DGCR2: variants seen among roughly 807,000 people sequenced by gnomAD.
The protein encoded by DGCR2 is integral membrane protein DGCR2/IDD.
A neutral mutation model predicts 51.6 loss-of-function variants in DGCR2; 24 were observed. The ratio of observed to expected loss-of-function variants is 0.47; its 90% CI spans 0.34 to 0.65. The LOEUF is 0.65. Ranked by LOEUF, DGCR2 falls within the 30% of genes least tolerant of loss-of-function variation. The pLI is 0.01. For synonymous variants in DGCR2, 340 were observed against 315.4 expected (o/e 1.08, Z -0.82); for missense variants, 765 against 772.1 (o/e 0.99, Z 0.11).
intron 1 of DGCR2, among the ~76,000 whole-genome samples, chr22:19,111,129 G>A (rs2800981): frequency 0.49 from 74,909 of 151,974 alleles, 19,622 homozygotes; most frequent in African/African-American, 0.68. Flanking sequence ...AAAAGAAGGT[G>A]ACACTCTAAT....
At chr22:19,076,406 C>G in intron 2 of DGCR2, among the ~76,000 whole-genome samples, 1 of 152,034 alleles carries the variant, frequency 6.6e-6, no homozygotes, top group Non-Finnish European at 1.5e-5. Context: ...CTCAAGTGAT[C>G]CGCCCGCCTC....
At position 19,074,586 on chromosome 22, in the gene DGCR2, C is replaced by T. The variant is rs531722738; in HGVS notation, c.203-6361G>A. On this transcript the variant is annotated intron_variant, in intron 2 of 9. Transcript: ENST00000263196. ...AATCAGCAGAGAATGCCTAAAACCACGGAATTTAAAGACACACAGATAAAT... is the reference window on the plus strand; with the variant it reads ...AATCAGCAGAGAATGCCTAAAACCATGGAATTTAAAGACACACAGATAAAT... Among the ~76,000 whole-genome samples, 10 of 152,028 alleles carry T rather than the reference C, an allele frequency of 6.6e-5. 1 individual carries two copies. Among genetic ancestry groups the T allele is most frequent in the African/African-American group, 2.4e-4 (10 of 41,468 alleles).
chr22:19,067,964 C>A, intron 3 of DGCR2, 136 bp downstream of exon 3: 1 of 1,260,952 alleles, frequency 7.9e-7, no homozygotes, highest in Non-Finnish European at 1.0e-6. Context: ...CATCATGCAG[C>A]CTCATTCATT....
chr22:19,066,430 AAAC>A (rs1294758966), intron 3 of DGCR2, among the ~76,000 whole-genome samples: 2 of 150,052 alleles, frequency 1.3e-5, no homozygotes, highest in Admixed American at 6.7e-5. Context: ...AAAAACAAAC[AAAC>A]AAAAAAAAAC....
At chr22:19,102,058 A>C (rs1196646990) in intron 1 of DGCR2, among the ~76,000 whole-genome samples, 2 of 152,196 alleles carry the variant, frequency 1.3e-5, no homozygotes, top group Non-Finnish European at 2.9e-5. Flanking sequence ...AAAAATAAAA[A>C]ACAAAAGTGA....
At chr22:19,106,899 G>A (rs980311660) in intron 1 of DGCR2, among the ~76,000 whole-genome samples, 10 of 151,964 alleles carry the variant, frequency 6.6e-5, no homozygotes, top group East Asian at 1.9e-4. Flanking sequence ...TTCCTTCACC[G>A]AGACAGCAGT....
At chr22:19,070,689 T>A (rs569469255) in intron 2 of DGCR2, among the ~76,000 whole-genome samples, 2 of 152,286 alleles carry the variant, frequency 1.3e-5, no homozygotes, top group East Asian at 3.9e-4. Flanking sequence ...AGCCAAATGG[T>A]GATAAAGGAC....
In DGCR2 at chr22:19,057,029, G is replaced by A. The variant is rs759730222; in HGVS notation, c.759C>T (p.His253=). The A allele has an allele frequency of 2.3e-5, 36 of 1,595,746 alleles. No individual in the cohort carries two copies. Among genetic ancestry groups the A allele is most frequent in the East Asian group, 9.0e-5 (4 of 44,392 alleles). The change falls in exon 6 of 10, where the codon CAC becomes CAT. Residue 253 remains histidine, a synonymous_variant. Transcript: ENST00000263196. The surrounding 1 kb of genome is among the most constrained non-coding windows in gnomAD (Gnocchi z 5.1). ...AAGACTTCTCGTAGCAGCTCTCGGC[G>A]TGCCAGCTGTGGAGGTCGTGGTGCC... is the stretch of plus-strand genomic sequence containing the variant. ...TLRHHDLHSW[H]AESCYEKSSF...
chr22:19,111,853 TTTA>T (rs1211647183), intron 1 of DGCR2, among the ~76,000 whole-genome samples: 1 of 76,470 alleles, frequency 1.3e-5, no homozygotes, highest in African/African-American at 7.3e-5. Flanking sequence ...TTATTTTTTA[TTTA>T]TTTATTTTTT....
intron 2 of DGCR2, among the ~76,000 whole-genome samples, chr22:19,072,281 T>C (rs1005143765): frequency 1.3e-5 from 2 of 152,014 alleles, no homozygotes; most frequent in Non-Finnish European, 2.9e-5. Context: ...TGGTCCTTTA[T>C]GGAAAAAATC....
intron 1 of DGCR2, among the ~76,000 whole-genome samples, chr22:19,114,544 T>G (rs2083353649): frequency 6.6e-6 from 1 of 152,102 alleles, no homozygotes; most frequent in Non-Finnish European, 1.5e-5. Context: ...ATAGACAGAG[T>G]TCTGTAGGTA....
chr22:19,112,118 C>CA (rs2083322215), intron 1 of DGCR2, among the ~76,000 whole-genome samples: 1 of 151,768 alleles, frequency 6.6e-6, no homozygotes, highest in Non-Finnish European at 1.5e-5. Flanking sequence ...ACTAAAAATA[C>CA]AAAAATTATC....
chr22:19,078,312 T>C (rs1440961748), intron 2 of DGCR2, among the ~76,000 whole-genome samples: 2 of 152,230 alleles, frequency 1.3e-5, no homozygotes, highest in Non-Finnish European at 2.9e-5. Flanking sequence ...TGTATTTTAT[T>C]CTTTGTACTA....
intron 9 of DGCR2, among the ~76,000 whole-genome samples, chr22:19,040,634 G>A (rs553844777): frequency 6.6e-6 from 1 of 152,314 alleles, no homozygotes; most frequent in South Asian, 2.1e-4. Flanking sequence ...CTCCTGACAC[G>A]ACAGGAGGGG....
chr22:19,058,547 G>A (rs1038969972), intron 5 of DGCR2, among the ~76,000 whole-genome samples: 1 of 152,092 alleles, frequency 6.6e-6, no homozygotes, highest in African/African-American at 2.4e-5. Context: ...CACCTAAGTA[G>A]AGCCCCTCCC....
intron 1 of DGCR2, among the ~76,000 whole-genome samples, chr22:19,100,121 T>A (rs1426643741): frequency 4.0e-5 from 6 of 151,832 alleles, no homozygotes; most frequent in Non-Finnish European, 8.8e-5. Context: ...AATACAAACA[T>A]TAGCTGGACG....
chr22:19,083,437 T>C (rs2082963932), intron 2 of DGCR2, among the ~76,000 whole-genome samples: 2 of 152,184 alleles, frequency 1.3e-5, no homozygotes, highest in Admixed American at 1.3e-4. Context: ...TACGACTTAA[T>C]TCTTCTCAAC....
chr22:19,040,222 A>AG (rs2082416126), intron 9 of DGCR2, among the ~76,000 whole-genome samples: 1 of 152,236 alleles, frequency 6.6e-6, no homozygotes, highest in Admixed American at 6.5e-5. Context: ...TCATGAGGGC[A>AG]GGGGTCAAAT....
Position 19,078,953 on chromosome 22 carries a change from G to C in DGCR2, c.202+10415C>G, listed in dbSNP as rs532603921. ...TTCATCAGTGAAGCCATGTGGTTCA[G>C]GACTTTTCTTTGTTGAGAGGTTTTT... On this transcript the variant is annotated intron_variant, in intron 2 of 9. Coordinates refer to ENST00000263196, the MANE Select transcript of DGCR2 (RefSeq NM_005137.3). Among the ~76,000 whole-genome samples the C allele has an allele frequency of 4.6e-5, 7 of 152,210 alleles. No individual in the cohort carries two copies. In the South Asian group the frequency reaches 1.5e-3, roughly 32 times the overall value.
Sources: allele counts gnomAD v4.1 joint callset (sites outside exome capture counted in the v4.1 genomes callset), GRCh38; gene constraint gnomAD v4.1.1; non-coding constraint Gnocchi (gnomAD v3.1); transcripts MANE v1.5; gene names NCBI Gene and HGNC (gene_info 2026-07-23, HGNC 2026-07-21).